The following DKK2 variants were observed in gnomAD, a reference collection of about 807,000 sequenced individuals.
DKK2 encodes dickkopf Wnt signaling pathway inhibitor 2.
DKK2 carries 11 observed loss-of-function variants against 28.1 expected under a neutral mutation model. The observed-to-expected ratio is 0.39, with a 90% CI of 0.25 to 0.65. The LOEUF (loss-of-function observed/expected upper bound fraction) is 0.65, where lower values mean the gene tolerates loss of function less well. Among genes scored for constraint, DKK2 ranks in the 30% least tolerant of loss-of-function variants. The pLI, the probability that DKK2 is intolerant of heterozygous loss-of-function variation, is 0.47. For synonymous variants in DKK2, 135 were observed against 126.5 expected (o/e 1.07, Z -0.45); for missense variants, 326 against 335.5 (o/e 0.97, Z 0.22).
intron 1 of DKK2, among the ~76,000 whole-genome samples, chr4:107,030,050 T>C (rs1723852729): frequency 6.6e-6 from 1 of 152,106 alleles, no homozygotes; most frequent in African/African-American, 2.4e-5. Context: ...GGTTGTGGAA[T>C]ACATGTTAGA....
At chr4:106,946,140 G>T (rs1206692110) in intron 1 of DKK2, among the ~76,000 whole-genome samples, 2 of 151,888 alleles carry the variant, frequency 1.3e-5, no homozygotes, top group East Asian at 3.9e-4. Context: ...ACCAACTGCT[G>T]GTCTTTATTA....
At chr4:106,999,926 A>C (rs1488600459) in intron 1 of DKK2, among the ~76,000 whole-genome samples, 2 of 152,190 alleles carry the variant, frequency 1.3e-5, no homozygotes, top group African/African-American at 4.8e-5. Context: ...AAGGAAGGGG[A>C]TTGCTTTGAA....
chr4:106,978,265 G>T (rs537374171), intron 1 of DKK2, among the ~76,000 whole-genome samples: 8 of 152,290 alleles, frequency 5.3e-5, no homozygotes, highest in Admixed American at 3.9e-4. Context: ...GAGCTCGAGC[G>T]CTGTGTTTGG....
At chr4:106,975,317 G>A (rs1722926435) in intron 1 of DKK2, among the ~76,000 whole-genome samples, 1 of 151,974 alleles carries the variant, frequency 6.6e-6, no homozygotes, top group Non-Finnish European at 1.5e-5. Context: ...AGAAGGAATT[G>A]TACCAGCTCC....
rs17037202 is a variant in DKK2 at position 107,000,860 on chromosome 4, C to T, written c.222+34510G>A. 6.7e-3 allele frequency among the ~76,000 whole-genome samples: 1,026 copies of T among 152,072 alleles called. 12 individuals carry two copies. Among genetic ancestry groups the T allele is most frequent in the African/African-American group, 0.024 (987 of 41,474 alleles). ...GCCATACAACTAGGAAGTTTAGGTC[C>T]CTACCCTCAGAACTCATAAGAGTTG... On this transcript the variant is annotated intron_variant, in intron 1 of 3. Transcript: ENST00000285311.
intron 1 of DKK2, among the ~76,000 whole-genome samples, chr4:107,011,010 T>G (rs750116933): frequency 1.3e-5 from 2 of 151,530 alleles, no homozygotes; most frequent in African/African-American, 4.8e-5. Flanking sequence ...GATACTCTTA[T>G]CTGCTTCTGC....
At chr4:106,997,225 G>C (rs915856780) in intron 1 of DKK2, among the ~76,000 whole-genome samples, 6 of 152,074 alleles carry the variant, frequency 3.9e-5, no homozygotes, top group African/African-American at 1.2e-4. Flanking sequence ...CAACATAAGA[G>C]CTCTTTCTTT....
intron 3 of DKK2, 84 bp from the exon 4 acceptor site, chr4:106,924,288 T>G (rs1167328158): frequency 6.6e-7 from 1 of 1,508,236 alleles, no homozygotes; most frequent in East Asian, 2.3e-5. Flanking sequence ...ACATAAAATA[T>G]TTTTACTTAT....
chr4:107,025,936 G>A (rs1184715090), intron 1 of DKK2, among the ~76,000 whole-genome samples: 1 of 152,174 alleles, frequency 6.6e-6, no homozygotes, highest in Non-Finnish European at 1.5e-5. Context: ...TTAACAGAAA[G>A]CATTGCTTCT....
At chr4:107,005,118 G>A (rs1289630546) in intron 1 of DKK2, among the ~76,000 whole-genome samples, 3 of 151,988 alleles carry the variant, frequency 2.0e-5, no homozygotes, top group South Asian at 2.1e-4. Flanking sequence ...CGAGGCGGGC[G>A]TGTCACGATT....
intron 1 of DKK2, among the ~76,000 whole-genome samples, chr4:106,949,323 G>C (rs948274337): frequency 2.0e-4 from 30 of 152,278 alleles, no homozygotes; most frequent in African/African-American, 7.0e-4. Flanking sequence ...AGTGAAGGGT[G>C]TGTGTTACAA....
At chr4:106,929,604 C>G (rs994565319) in intron 1 of DKK2, among the ~76,000 whole-genome samples, 2 of 152,082 alleles carry the variant, frequency 1.3e-5, no homozygotes, top group Non-Finnish European at 2.9e-5. Flanking sequence ...TTCTGCAACC[C>G]CCTTTCTAGG....
At chr4:106,990,305 A>G (rs937701801) in intron 1 of DKK2, among the ~76,000 whole-genome samples, 5 of 152,212 alleles carry the variant, frequency 3.3e-5, no homozygotes, top group Admixed American at 3.3e-4. Context: ...GCAGATTTAG[A>G]GAAACAAAAG....
At chr4:106,980,699 G>A (rs1394637586) in intron 1 of DKK2, among the ~76,000 whole-genome samples, 3 of 152,048 alleles carry the variant, frequency 2.0e-5, no homozygotes, top group African/African-American at 7.2e-5. Flanking sequence ...CTGTTTATTT[G>A]TCAACATGCT....
At chr4:106,925,323 C>A (rs1369314855) in intron 2 of DKK2, among the ~76,000 whole-genome samples, 1 of 152,170 alleles carries the variant, frequency 6.6e-6, no homozygotes, top group African/African-American at 2.4e-5. Context: ...CCTATAAATT[C>A]ATTGATATTG....
chr4:107,035,094 C>T (rs1723941903), intron 1 of DKK2, among the ~76,000 whole-genome samples: 1 of 152,174 alleles, frequency 6.6e-6, no homozygotes, highest in South Asian at 2.1e-4. Context: ...TGACCACTTT[C>T]TCCACAGGAA....
chr4:106,978,741 G>T (rs1014997183), intron 1 of DKK2, among the ~76,000 whole-genome samples: 4 of 152,076 alleles, frequency 2.6e-5, no homozygotes, highest in African/African-American at 9.7e-5. Flanking sequence ...CTTTGCAGGG[G>T]AGTGAATGGT....
chr4:106,976,283 C>T (rs886903945), intron 1 of DKK2, among the ~76,000 whole-genome samples: 3 of 152,104 alleles, frequency 2.0e-5, no homozygotes, highest in African/African-American at 7.2e-5. Flanking sequence ...GAGTTCAAGT[C>T]CTGAATATCT....
At chr4:106,979,373 C>A (rs1397665891) in intron 1 of DKK2, among the ~76,000 whole-genome samples, 2 of 150,600 alleles carry the variant, frequency 1.3e-5, no homozygotes, top group African/African-American at 4.9e-5. Flanking sequence ...TCATCTAACT[C>A]AAAAAATCAG....
Sources: allele counts gnomAD v4.1 joint callset (sites outside exome capture counted in the v4.1 genomes callset), GRCh38; gene constraint gnomAD v4.1.1; transcripts MANE v1.5; gene names NCBI Gene and HGNC (gene_info 2026-07-23, HGNC 2026-07-21).